The following TANC1 variants were observed in gnomAD, a reference collection of about 807,000 sequenced individuals.
The protein encoded by TANC1 is tetratricopeptide repeat, ankyrin repeat and coiled-coil containing 1, also known as protein TANC1.
In TANC1, 77 loss-of-function variants were observed where a neutral mutation model predicts 149.7. The ratio of observed to expected loss-of-function variants is 0.51; its 90% CI spans 0.43 to 0.62. TANC1 has a LOEUF of 0.62. TANC1 is among the 20% of genes least tolerant of loss of function. TANC1 has a pLI of 0.00. For missense variants in TANC1, 1,985 were observed against 2,321.8 expected (o/e 0.85, Z 2.98); for synonymous variants, 854 against 925.0 (o/e 0.92, Z 1.39).
At chr2:159,157,596 T>C (rs1446252579) in intron 7 of TANC1, among the ~76,000 whole-genome samples, 1 of 152,214 alleles carries the variant, frequency 6.6e-6, no homozygotes, top group Admixed American at 6.5e-5. Context: ...TCTGCAGCAG[T>C]GAAACCTAAT....
At chr2:159,010,668 TGGAC>T (rs59949605) in intron 2 of TANC1, among the ~76,000 whole-genome samples, 51,694 of 151,128 alleles carry the variant, frequency 0.34, 9,655 homozygotes, top group East Asian at 0.5. Flanking sequence ...TTCAAGGATG[TGGAC>T]GGACAGGAGA....
intron 16 of TANC1, among the ~76,000 whole-genome samples, chr2:159,188,005 A>G (rs1381446044): frequency 6.6e-6 from 1 of 152,218 alleles, no homozygotes; most frequent in Non-Finnish European, 1.5e-5. Context: ...TCCTGAGATT[A>G]TAAACTTTGC....
chr2:159,156,713 G>A (rs954385510), intron 7 of TANC1, among the ~76,000 whole-genome samples: 1 of 152,234 alleles, frequency 6.6e-6, no homozygotes, highest in Non-Finnish European at 1.5e-5. Context: ...GTCTGGAAAA[G>A]GGTCATTAGA....
intron 15 of TANC1, 73 bp downstream of exon 15, chr2:159,185,972 A>G: frequency 9.0e-7 from 1 of 1,116,450 alleles, no homozygotes; most frequent in Non-Finnish European, 1.3e-6. Context: ...GATTTTAGAC[A>G]GCTCTGTCAG....
At chr2:159,060,206 T>A in intron 2 of TANC1, 1 of 274,644 alleles carries the variant, frequency 3.6e-6, no homozygotes. Flanking sequence ...AAAAATGTCT[T>A]AATTAAGTGT....
intron 13 of TANC1, among the ~76,000 whole-genome samples, chr2:159,177,843 T>C (rs2056042194): frequency 6.6e-6 from 1 of 152,230 alleles, no homozygotes; most frequent in Non-Finnish European, 1.5e-5. Context: ...ATGAGGCTTC[T>C]GGGAGCTGAG....
At chr2:159,063,241 C>G (rs1351155175) in intron 2 of TANC1, among the ~76,000 whole-genome samples, 1 of 152,140 alleles carries the variant, frequency 6.6e-6, no homozygotes, top group African/African-American at 2.4e-5. Context: ...CCCAATGTGT[C>G]CATTTCCAGA....
At chr2:159,162,400 G>T (rs573329686) in intron 7 of TANC1, among the ~76,000 whole-genome samples, 1 of 152,214 alleles carries the variant, frequency 6.6e-6, no homozygotes, top group Non-Finnish European at 1.5e-5. Flanking sequence ...GCCAGCGTTA[G>T]TTCTAACAGT....
rs566402244 is a variant in TANC1 at position 159,130,049 on chromosome 2, G to A, written c.260-6145G>A. 1.8e-4 allele frequency among the ~76,000 whole-genome samples: 28 copies of A among 152,300 alleles called. 1 individual carries two copies. Among genetic ancestry groups the A allele is most frequent in the African/African-American group, 2.2e-4 (9 of 41,566 alleles). ...GCAGGATACCAGTACCGGGGGCGGC[G>A]GGGGACTGGGAGCCCAGCCCTGGAG... On this transcript the variant is annotated intron_variant, in intron 4 of 26. Transcript: ENST00000263635.
chr2:159,145,197 G>T (rs2051923007), intron 5 of TANC1, among the ~76,000 whole-genome samples: 1 of 152,172 alleles, frequency 6.6e-6, no homozygotes, highest in South Asian at 2.1e-4. Context: ...GGGGTTTGTT[G>T]TCATGGAATA....
chr2:159,209,483 C>T lies in TANC1; in HGVS notation c.3245-8014C>T, dbSNP rs2058844227. Among the ~76,000 whole-genome samples, 3 of 152,128 alleles carry T rather than the reference C, an allele frequency of 2.0e-5. No individual in the cohort carries two copies. In the South Asian group the frequency reaches 6.2e-4, roughly 32 times the overall value. On this transcript the variant is annotated intron_variant, in intron 19 of 26. Coordinates refer to ENST00000263635, the MANE Select transcript of TANC1 (RefSeq NM_033394.3). ...TAGAAGGTGGGGCGGGGAGGCAAGG[C>T]ACATTGCCTGGCCTTTTGGGGAAAG...
intron 2 of TANC1, among the ~76,000 whole-genome samples, chr2:159,018,391 G>A (rs2038484874): frequency 6.6e-6 from 1 of 152,150 alleles, no homozygotes; most frequent in African/African-American, 2.4e-5. Context: ...AGTGCATTGG[G>A]GGTCTTTGGG....
At chr2:159,217,754 G>A in intron 20 of TANC1, 124 bp downstream of exon 20, 1 of 1,302,624 alleles carries the variant, frequency 7.7e-7, no homozygotes. Context: ...CTCGGCTTCT[G>A]CTGTGCCATC....
chr2:159,115,991 C>T (rs935486302), intron 4 of TANC1, among the ~76,000 whole-genome samples: 4 of 152,102 alleles, frequency 2.6e-5, no homozygotes, highest in African/African-American at 4.8e-5. Context: ...GAGTGCTCCA[C>T]GAAGCCATGC....
intron 2 of TANC1, among the ~76,000 whole-genome samples, chr2:159,061,134 C>T (rs2042206266): frequency 6.6e-6 from 1 of 152,184 alleles, no homozygotes; most frequent in Admixed American, 6.5e-5. Flanking sequence ...GCCATTGGCC[C>T]TCTCAGAGTA....
At chr2:159,014,895 G>A (rs1057099524) in intron 2 of TANC1, among the ~76,000 whole-genome samples, 1 of 152,216 alleles carries the variant, frequency 6.6e-6, no homozygotes, top group African/African-American at 2.4e-5. Context: ...CTATGGCTTT[G>A]CAGGGTACAG....
intron 2 of TANC1, among the ~76,000 whole-genome samples, chr2:159,051,964 T>C (rs2041508554): frequency 6.6e-6 from 1 of 152,208 alleles, no homozygotes; most frequent in South Asian, 2.1e-4. Context: ...GGACTCTGAA[T>C]TATATTTATC....
At chr2:159,045,941 C>G (rs561999299) in intron 2 of TANC1, among the ~76,000 whole-genome samples, 1 of 152,180 alleles carries the variant, frequency 6.6e-6, no homozygotes, top group Non-Finnish European at 1.5e-5. Flanking sequence ...ACTGAGAAAT[C>G]CAGGTGGAAA....
At chr2:159,220,149 C>T (rs1466172888) in intron 22 of TANC1, among the ~76,000 whole-genome samples, 1 of 152,018 alleles carries the variant, frequency 6.6e-6, no homozygotes, top group Non-Finnish European at 1.5e-5. Context: ...CAGACACATA[C>T]GTGAATATGC....
Sources: allele counts gnomAD v4.1 joint callset (sites outside exome capture counted in the v4.1 genomes callset), GRCh38; gene constraint gnomAD v4.1.1; transcripts MANE v1.5; gene names NCBI Gene and HGNC (gene_info 2026-07-23, HGNC 2026-07-21).